OVCH2: variants seen among roughly 807,000 people sequenced by gnomAD.
OVCH2 encodes the protein ovochymase 2, also known as ovochymase-2.
A neutral mutation model predicts 73.7 loss-of-function variants in OVCH2; 88 were observed. The ratio of observed to expected loss-of-function variants is 1.19; its 90% CI spans 1.01 to 1.43. The LOEUF (loss-of-function observed/expected upper bound fraction) is 1.43, where lower values mean the gene tolerates loss of function less well. Among genes scored for constraint, OVCH2 ranks in the 40% most tolerant of loss-of-function variants. The probability of loss-of-function intolerance (pLI) is 0.00; values close to 1 mark genes in which losing one functional copy is unlikely to be tolerated. For missense variants in OVCH2, 706 were observed against 674.5 expected (o/e 1.05, Z -0.52); for synonymous variants, 265 against 234.5 (o/e 1.13, Z -1.19).
chr11:7,705,713 TCTAA>T (rs1856518017), intron 1 of OVCH2: 1 of 152,284 alleles, frequency 6.6e-6, no homozygotes, highest in African/African-American at 2.4e-5. Context: ...AAGCTTATTT[TCTAA>T]CTGTTTCAGT....
intron 7 of OVCH2, chr11:7,698,982 G>T: frequency 4.0e-6 from 2 of 504,416 alleles, no homozygotes; most frequent in Admixed American, 3.5e-5. Flanking sequence ...TTTATTAAGT[G>T]GGCTAATATG....
In OVCH2 at chr11:7,706,448, A is replaced by G; in HGVS notation, c.-54T>C. On this transcript the variant is annotated 5_prime_UTR_variant, in exon 1 of 16. Transcript: ENST00000533663. ...TTTAGAGAGACTAAAGCAAACAAAA[A>G]TAGGAAGCCTTGAGAGACCAGCAAT... The G allele has an allele frequency of 6.6e-7, 1 of 1,523,678 alleles. No individual in the cohort carries two copies. Among genetic ancestry groups the G allele is most frequent in the Non-Finnish European group, 8.8e-7 (1 of 1,138,740 alleles). 94.4% of individuals were successfully genotyped at this position (1,523,678 alleles called of 1,614,324 possible).
downstream of OVCH2, among the ~76,000 whole-genome samples, chr11:7,686,306 A>C (rs1856141155): frequency 6.6e-6 from 1 of 152,230 alleles, no homozygotes. Context: ...TAGGGTCATA[A>C]GATGATTTTA....
downstream of OVCH2, among the ~76,000 whole-genome samples, chr11:7,685,769 T>C (rs1419845875): frequency 6.6e-6 from 1 of 152,120 alleles, no homozygotes; most frequent in African/African-American, 2.4e-5. Context: ...AGGGCACATC[T>C]CTACCTTCTC....
chr11:7,690,308 TC>T (rs1856197112), intron 14 of OVCH2, among the ~76,000 whole-genome samples: 1 of 152,228 alleles, frequency 6.6e-6, no homozygotes, highest in Non-Finnish European at 1.5e-5. Context: ...GTTAGGTAGT[TC>T]GAATGTCCAG....
At chr11:7,689,898 A>T in intron 15 of OVCH2, 26 bp downstream of exon 15, 1 of 1,304,930 alleles carries the variant, frequency 7.7e-7, no homozygotes, top group Non-Finnish European at 1.1e-6. Context: ...CTCTGTGTGT[A>T]TCAATTGGTC....
chr11:7,687,141 A>T (rs1259307173), downstream of OVCH2, among the ~76,000 whole-genome samples: 2 of 152,122 alleles, frequency 1.3e-5, no homozygotes, highest in Non-Finnish European at 2.9e-5. Context: ...CCCCGCAAAA[A>T]AAAAGAATAT....
At chr11:7,699,046 C>G (rs535959325) in intron 7 of OVCH2, 1 of 391,392 alleles carries the variant, frequency 2.6e-6, no homozygotes, top group Non-Finnish European at 4.7e-6. Flanking sequence ...TACATAAGAA[C>G]AGAGGCTAGA....
At chr11:7,698,796 C>T (rs1856381671) in intron 7 of OVCH2, 23 bp from the exon 8 acceptor site, 1 of 1,611,508 alleles carries the variant, frequency 6.2e-7, no homozygotes, top group African/African-American at 1.3e-5. Context: ...AAGAAGGATG[C>T]AATTGAAAGC....
downstream of OVCH2, among the ~76,000 whole-genome samples, chr11:7,687,718 C>T (rs1474795009): frequency 6.6e-6 from 1 of 151,974 alleles, no homozygotes; most frequent in Non-Finnish European, 1.5e-5. Context: ...CCTGTCTTTG[C>T]TTGGGCTGAT....
At chr11:7,685,965 T>TG (rs967116446), downstream of OVCH2, among the ~76,000 whole-genome samples, 3 of 152,082 alleles carry the variant, frequency 2.0e-5, no homozygotes, top group African/African-American at 7.2e-5. Context: ...AGGTTGTCAT[T>TG]GAAAAAAAAA....
rs2136166457 is a variant in OVCH2, at chr11:7,706,417, T to C, written c.-23A>G. ...CATTTTGAGACTCATAGTTTTTCCC[T>C]GAAATTTTAGAGAGACTAAAGCAAA... On this transcript the variant is annotated 5_prime_UTR_variant, in exon 1 of 16. Transcript: ENST00000533663. 3 of 1,551,726 alleles carry C rather than the reference T, an allele frequency of 1.9e-6. No homozygotes were observed. The highest frequency in any genetic ancestry group is 2.6e-6 in the Non-Finnish European group (3 of 1,147,864).
chr11:7,679,917 G>A, the OVCH2 span, among the ~76,000 whole-genome samples: 322 of 152,296 alleles, frequency 2.1e-3, 2 homozygotes, highest in African/African-American at 7.4e-3. Flanking sequence ...TGAACACGTG[G>A]AGGTCCCTAG....
the OVCH2 span, among the ~76,000 whole-genome samples, chr11:7,681,617 T>A: frequency 2.6e-5 from 4 of 152,228 alleles, no homozygotes; most frequent in East Asian, 3.9e-4. Context: ...TTCACCAATA[T>A]TTACAGCAGT....
chr11:7,692,263 T>G (rs372500633), intron 12 of OVCH2, among the ~76,000 whole-genome samples: 3 of 152,264 alleles, frequency 2.0e-5, no homozygotes, highest in African/African-American at 7.2e-5. Context: ...TCTAAGAGAT[T>G]AGGAGAGCTA....
chr11:7,681,660 G>A, the OVCH2 span, among the ~76,000 whole-genome samples: 12 of 151,054 alleles, frequency 7.9e-5, no homozygotes, highest in Admixed American at 1.3e-4. Context: ...CATCTGTTGT[G>A]GTAGGGGCTG....
intron 12 of OVCH2, among the ~76,000 whole-genome samples, chr11:7,693,588 C>T (rs544897244): frequency 6.6e-6 from 1 of 152,176 alleles, no homozygotes; most frequent in East Asian, 1.9e-4. Flanking sequence ...TCCTCTTCTT[C>T]CTCCACCTGG....
chr11:7,686,445 G>C (rs574293420), downstream of OVCH2, among the ~76,000 whole-genome samples: 1 of 152,202 alleles, frequency 6.6e-6, no homozygotes, highest in East Asian at 1.9e-4. Flanking sequence ...AGTAATTATC[G>C]CTTAATGTAT....
At chr11:7,697,187 C>T (rs1332109298) in intron 8 of OVCH2, among the ~76,000 whole-genome samples, 1 of 152,174 alleles carries the variant, frequency 6.6e-6, no homozygotes, top group Admixed American at 6.5e-5. Context: ...CAGACTCACA[C>T]TGCCACACCC....
Sources: gnomAD v4.1 joint callset for allele counts (sites outside exome capture counted in the v4.1 genomes callset) on GRCh38, gnomAD v4.1.1 for gene constraint, MANE v1.5 for transcripts, NCBI Gene and HGNC (gene_info 2026-07-23, HGNC 2026-07-21) for gene names.